The following PCNX2 variants were observed in gnomAD, a reference collection of about 807,000 sequenced individuals.
PCNX2 encodes the protein pecanex-like protein 2.
In PCNX2, 168 loss-of-function variants were observed where a neutral mutation model predicts 223.8. The observed-to-expected ratio is 0.75, with a 90% confidence interval of 0.66 to 0.85. PCNX2 has a LOEUF of 0.85. PCNX2 is among the 40% of genes least tolerant of loss of function. The pLI is 0.00. For missense variants in PCNX2, 2,507 were observed against 2,675.5 expected (o/e 0.94, Z 1.39); for synonymous variants, 1,006 against 1,052.6 (o/e 0.96, Z 0.86).
intron 8 of PCNX2, among the ~76,000 whole-genome samples, chr1:233,248,550 G>A (rs532584875): frequency 3.3e-5 from 5 of 152,110 alleles, no homozygotes; most frequent in Admixed American, 1.3e-4. Context: ...GCAGGAGAGC[G>A]ATGGAAATGG....
In PCNX2 at chr1:233,198,994, G is replaced by C. The variant is rs1227530297; in HGVS notation, c.3011C>G (p.Ala1004Gly). 2 of 1,605,236 alleles carry C rather than the reference G, an allele frequency of 1.2e-6. No individual in the cohort carries two copies. Among genetic ancestry groups the C allele is most frequent in the Admixed American group, 1.7e-5 (1 of 59,050 alleles). ...SGITSAVYSV[A>G]RSVLAAALLH... ...CAGGGCGGCAGCCAAGACGCTCCGGGCCACACTGTAAACAGCCGAGGTTAT... is the reference window on the plus strand; with the variant it reads ...CAGGGCGGCAGCCAAGACGCTCCGGCCCACACTGTAAACAGCCGAGGTTAT... Residue 1004 changes from alanine (A) to glycine (G), a missense_variant, in exon 15 of 34, where the codon GCC becomes GGC. Around this residue, in one of 3 missense-constraint regions of PCNX2, gnomAD observed 1,372 missense variants for 1,509.4 expected, o/e 0.91. Coordinates refer to ENST00000258229, the MANE Select transcript of PCNX2 (RefSeq NM_014801.4).
intron 10 of PCNX2, among the ~76,000 whole-genome samples, chr1:233,222,727 G>A (rs906265771): frequency 1.8e-4 from 28 of 152,218 alleles, no homozygotes; most frequent in Admixed American, 1.4e-3. Context: ...AGGTGTGAAA[G>A]GAAAGACGAC....
intron 21 of PCNX2, chr1:233,112,825 G>A: frequency 1.6e-6 from 2 of 1,264,838 alleles, no homozygotes; most frequent in Non-Finnish European, 2.0e-6. Flanking sequence ...CCCAAATGGG[G>A]AGAAAAAGCT....
chr1:233,134,300 T>A (rs544657222), intron 21 of PCNX2, among the ~76,000 whole-genome samples: 1 of 152,278 alleles, frequency 6.6e-6, no homozygotes, highest in East Asian at 1.9e-4. Flanking sequence ...GTGATCAGGC[T>A]AGATATGGTC....
chr1:233,049,850 T>C (rs1671938830), intron 25 of PCNX2, among the ~76,000 whole-genome samples: 1 of 142,560 alleles, frequency 7.0e-6, no homozygotes, highest in Non-Finnish European at 1.5e-5. Context: ...AAACACAATC[T>C]CATTTACAAT....
intron 15 of PCNX2, 60 bp from the exon 16 acceptor site, chr1:233,179,235 T>G: frequency 3.0e-4 from 443 of 1,490,522 alleles, no homozygotes; most frequent in Non-Finnish European, 3.6e-4. Flanking sequence ...GCAGGATCTC[T>G]ATCAGACATT....
chr1:233,292,912 C>T (rs555064896), intron 1 of PCNX2, among the ~76,000 whole-genome samples: 1 of 152,178 alleles, frequency 6.6e-6, no homozygotes, highest in Admixed American at 6.5e-5. Flanking sequence ...AGAGATATAA[C>T]AATTTGGGCA....
chr1:233,130,985 T>C (rs922092032), intron 21 of PCNX2, among the ~76,000 whole-genome samples: 5 of 152,054 alleles, frequency 3.3e-5, no homozygotes, highest in African/African-American at 1.2e-4. Context: ...ACTAATCACT[T>C]CTCTCCTCTG....
chr1:233,251,677 T>C (rs547415447), intron 7 of PCNX2, among the ~76,000 whole-genome samples: 2 of 152,336 alleles, frequency 1.3e-5, no homozygotes, highest in South Asian at 4.1e-4. Context: ...AACTATAAAC[T>C]ACTGAACTCC....
chr1:233,292,620 G>A (rs757706751), intron 1 of PCNX2, among the ~76,000 whole-genome samples: 1 of 152,126 alleles, frequency 6.6e-6, no homozygotes, highest in African/African-American at 2.4e-5. Flanking sequence ...TATCTTCTTG[G>A]AACAAATGAT....
intron 28 of PCNX2, among the ~76,000 whole-genome samples, chr1:233,009,494 TA>T (rs1670392734): frequency 6.6e-6 from 1 of 152,206 alleles, no homozygotes; most frequent in Non-Finnish European, 1.5e-5. Context: ...AAAATTTAAT[TA>T]AAAATATATT....
intron 12 of PCNX2, among the ~76,000 whole-genome samples, chr1:233,213,286 A>G (rs192603018): frequency 4.3e-4 from 65 of 152,326 alleles, no homozygotes; most frequent in Non-Finnish European, 7.5e-4. Context: ...GGTCACAGCC[A>G]AAAGGAGCCT....
intron 5 of PCNX2, 49 bp from the exon 6 acceptor site, chr1:233,252,837 T>C: frequency 6.8e-7 from 1 of 1,473,516 alleles, no homozygotes; most frequent in Non-Finnish European, 9.0e-7. Flanking sequence ...TAAATCAATG[T>C]GAAAACTCTG....
At chr1:233,288,720 A>G in intron 1 of PCNX2, 1 of 578,132 alleles carries the variant, frequency 1.7e-6, no homozygotes, top group Non-Finnish European at 3.0e-6. Context: ...ATTGAGAGAC[A>G]ACTGCATGGG....
At chr1:233,239,948 T>A (rs1658654509) in intron 8 of PCNX2, among the ~76,000 whole-genome samples, 1 of 152,140 alleles carries the variant, frequency 6.6e-6, no homozygotes, top group Non-Finnish European at 1.5e-5. Context: ...TTAACCTCTT[T>A]TATGAGGGTT....
chr1:233,279,303 C>T (rs141358062), intron 1 of PCNX2, among the ~76,000 whole-genome samples: 6,380 of 152,026 alleles, frequency 0.042, 460 homozygotes, highest in African/African-American at 0.14. Flanking sequence ...ACTGCAGCCT[C>T]GACCTCCCGG....
Position 232,998,279 on chromosome 1 carries a change from C to T in PCNX2, c.5763G>A (p.Val1921=), listed in dbSNP as rs1423054112. Residue 1921 remains valine, a synonymous_variant, in exon 32 of 34, where the codon GTG becomes GTA. Coordinates refer to ENST00000258229, the MANE Select transcript of PCNX2 (RefSeq NM_014801.4). ...TTCTCTGTGTCCCTTCACAGGATGA[C>T]ACCCCGTGCTGAGCACCGCCTTTTC... ...QPRKGGAQHG[V]SSCEGTQRTG... 1 of 1,598,346 alleles carries T rather than the reference C, an allele frequency of 6.3e-7. No individual in the cohort carries two copies. The highest frequency in any genetic ancestry group is 1.3e-5 in the African/African-American group (1 of 74,296).
chr1:233,198,932 C>A lies in PCNX2; in HGVS notation c.3066+7G>T. 6.3e-7 allele frequency: 1 copy of A among 1,598,106 alleles called. No individual in the cohort carries two copies. Among genetic ancestry groups the A allele is most frequent in the African/African-American group, 1.3e-5 (1 of 74,728 alleles). ...GAAGGATGAGGGCCCATGGTCCTCA[C>A]ACCTACCTTCACTGCACTGAAGCAG... On this transcript the variant is annotated splice_region_variant and intron_variant, in intron 15 of 33. Transcript: ENST00000258229.
At chr1:233,161,503 C>A in intron 17 of PCNX2, 140 bp from the exon 18 acceptor site, 1 of 686,070 alleles carries the variant, frequency 1.5e-6, no homozygotes, top group Non-Finnish European at 2.6e-6. Context: ...CACTCATTGG[C>A]ACATACTGGA....
Sources: gnomAD v4.1 joint callset for allele counts (sites outside exome capture counted in the v4.1 genomes callset) on GRCh38, gnomAD v4.1.1 for gene constraint, gnomAD v4.1.1 regional missense constraint, MANE v1.5 for transcripts, NCBI Gene and HGNC (gene_info 2026-07-23, HGNC 2026-07-21) for gene names.